Variants in PLXDC2 observed in about 807,000 individuals in gnomAD.
PLXDC2 encodes plexin domain-containing protein 2.
In PLXDC2, 40 loss-of-function variants were observed where a neutral mutation model predicts 68.9. The ratio of observed to expected loss-of-function variants is 0.58; its 90% CI spans 0.45 to 0.76. PLXDC2 has a LOEUF of 0.76. Among genes scored for constraint, PLXDC2 ranks in the 30% least tolerant of loss-of-function variants. PLXDC2 has a pLI of 0.00. For synonymous variants in PLXDC2, 243 were observed against 234.2 expected (o/e 1.04, Z -0.34); for missense variants, 644 against 661.9 (o/e 0.97, Z 0.30).
chr10:19,969,376 T>C (rs1161980808), intron 1 of PLXDC2, among the ~76,000 whole-genome samples: 2 of 152,226 alleles, frequency 1.3e-5, no homozygotes, highest in Admixed American at 6.5e-5. Flanking sequence ...TAAAGTATGT[T>C]ACCAACCTTT....
intron 1 of PLXDC2, among the ~76,000 whole-genome samples, chr10:19,970,917 C>G (rs1834341253): frequency 6.6e-6 from 1 of 152,168 alleles, no homozygotes; most frequent in African/African-American, 2.4e-5. Flanking sequence ...CCGTGGGAGT[C>G]TCTCTCTGAG....
chr10:19,970,381 T>C (rs946383614), intron 1 of PLXDC2, among the ~76,000 whole-genome samples: 1 of 152,204 alleles, frequency 6.6e-6, no homozygotes, highest in Non-Finnish European at 1.5e-5. Flanking sequence ...CAGATTACAA[T>C]GACATTTCCA....
In PLXDC2 at chr10:20,240,597, C is replaced by T. The variant is rs74119564; in HGVS notation, c.1313-4748C>T. The stretch of plus-strand genomic sequence containing the variant: ...TCCCTGCAGCTTCAGATTTAACAGT[C>T]TCTAATTAAGCCGTCATAATACCTG... On this transcript the variant is annotated intron_variant, in intron 12 of 13. Coordinates refer to ENST00000377252, the MANE Select transcript of PLXDC2 (RefSeq NM_032812.9). Among the ~76,000 whole-genome samples the T allele has an allele frequency of 3.2e-3, 482 of 150,506 alleles. 4 individuals carry two copies. Among genetic ancestry groups the T allele is most frequent in the African/African-American group, 0.011 (466 of 40,928 alleles).
chr10:20,126,828 A>ATATAGAACACATATGTGTG (rs1833797588), intron 4 of PLXDC2, among the ~76,000 whole-genome samples: 1 of 77,182 alleles, frequency 1.3e-5, no homozygotes, highest in African/African-American at 3.6e-5. Context: ...ATATATGTGT[A>ATATAGAACACATATGTGTG]TATATAATAT....
chr10:20,123,430 A>C (rs2131764191), intron 4 of PLXDC2, among the ~76,000 whole-genome samples: 1 of 152,322 alleles, frequency 6.6e-6, no homozygotes, highest in South Asian at 2.1e-4. Flanking sequence ...TTTTACAACA[A>C]GAATTATTTA....
intron 13 of PLXDC2, among the ~76,000 whole-genome samples, chr10:20,246,947 T>G (rs1208380929): frequency 6.6e-6 from 1 of 152,178 alleles, no homozygotes; most frequent in South Asian, 2.1e-4. Context: ...TAAATGTCCT[T>G]GATAGCTCAC....
intron 1 of PLXDC2, among the ~76,000 whole-genome samples, chr10:19,863,889 A>G (rs1404374574): frequency 5.9e-5 from 9 of 152,204 alleles, no homozygotes; most frequent in African/African-American, 2.2e-4. Flanking sequence ...ACAATAATTA[A>G]TGAAATATAT....
chr10:20,011,668 T>C (rs1835117648), intron 2 of PLXDC2, among the ~76,000 whole-genome samples: 1 of 152,176 alleles, frequency 6.6e-6, no homozygotes, highest in African/African-American at 2.4e-5. Flanking sequence ...CTTCCTGTGA[T>C]TTTCAGAATC....
chr10:20,049,535 A>G (rs548644953), intron 3 of PLXDC2, among the ~76,000 whole-genome samples: 23 of 152,130 alleles, frequency 1.5e-4, no homozygotes, highest in Admixed American at 3.9e-4. Context: ...ATAAATGTTC[A>G]GAAATCACAA....
chr10:19,886,883 C>G (rs1357017628), intron 1 of PLXDC2, among the ~76,000 whole-genome samples: 1 of 152,186 alleles, frequency 6.6e-6, no homozygotes, highest in African/African-American at 2.4e-5. Flanking sequence ...CAGAAAATGA[C>G]TAGATTTGCA....
At chr10:19,825,645 C>G (rs967740520) in intron 1 of PLXDC2, among the ~76,000 whole-genome samples, 6 of 152,060 alleles carry the variant, frequency 3.9e-5, no homozygotes, top group African/African-American at 1.4e-4. Flanking sequence ...TATTTATTTC[C>G]CTAAAGCCTA....
chr10:20,126,907 A>T (rs1017642312), intron 4 of PLXDC2, among the ~76,000 whole-genome samples: 1 of 147,946 alleles, frequency 6.8e-6, no homozygotes, highest in African/African-American at 2.5e-5. Flanking sequence ...ATATGTATAT[A>T]TGTATATATT....
chr10:20,147,684 T>G (rs1446371780), intron 5 of PLXDC2, 100 bp from the exon 6 acceptor site: 1 of 685,602 alleles, frequency 1.5e-6, no homozygotes, highest in Non-Finnish European at 2.5e-6. Flanking sequence ...AACTACCAGA[T>G]TTGAAGGCCA....
intron 2 of PLXDC2, among the ~76,000 whole-genome samples, chr10:20,015,760 AC>A (rs1835199992): frequency 6.6e-6 from 1 of 152,194 alleles, no homozygotes; most frequent in Admixed American, 6.5e-5. Context: ...CATTCTGGGC[AC>A]CATAAATGGC....
intron 7 of PLXDC2, among the ~76,000 whole-genome samples, chr10:20,166,304 A>T (rs1041203156): frequency 6.6e-6 from 1 of 152,148 alleles, no homozygotes; most frequent in African/African-American, 2.4e-5. Context: ...CTGCTTGATG[A>T]AGAACATGGG....
At chr10:20,158,748 T>C (rs1834251993) in intron 6 of PLXDC2, among the ~76,000 whole-genome samples, 1 of 152,074 alleles carries the variant, frequency 6.6e-6, no homozygotes, top group African/African-American at 2.4e-5. Flanking sequence ...ATATAGTCTC[T>C]AATTTTATGC....
chr10:20,109,214 G>A (rs1370628010), intron 4 of PLXDC2, among the ~76,000 whole-genome samples: 1 of 152,172 alleles, frequency 6.6e-6, no homozygotes, highest in Non-Finnish European at 1.5e-5. Flanking sequence ...TTAATATCAA[G>A]ATGAGTTTTC....
intron 1 of PLXDC2, among the ~76,000 whole-genome samples, chr10:19,921,662 G>A (rs143253401): frequency 3.2e-4 from 48 of 152,286 alleles, no homozygotes; most frequent in African/African-American, 9.6e-4. Flanking sequence ...TAAGGTTGCA[G>A]CTTTAGCTTT....
At chr10:20,153,280 A>T (rs1053596604) in intron 6 of PLXDC2, among the ~76,000 whole-genome samples, 21 of 152,204 alleles carry the variant, frequency 1.4e-4, no homozygotes, top group Admixed American at 1.4e-3. Context: ...TCAGTCATGT[A>T]TTGAAAAGAA....
Sources: gnomAD v4.1 joint callset for allele counts (sites outside exome capture counted in the v4.1 genomes callset) on GRCh38, gnomAD v4.1.1 for gene constraint, MANE v1.5 for transcripts, NCBI Gene and HGNC (gene_info 2026-07-23, HGNC 2026-07-21) for gene names.